ELF5: variants seen among roughly 807,000 people sequenced by gnomAD.
ELF5 encodes E74 like ETS transcription factor 5.
In ELF5, 31 loss-of-function variants were observed where a neutral mutation model predicts 38.2. The ratio of observed to expected loss-of-function variants is 0.81; its 90% CI spans 0.61 to 1.10. The LOEUF is 1.10. ELF5 is among the 50% of genes least tolerant of loss of function. The pLI is 0.00. For missense variants in ELF5, 300 were observed against 306.6 expected, an observed-to-expected ratio of 0.98 and a Z score of 0.16; for synonymous variants, 121 against 112.5, an observed-to-expected ratio of 1.08 and a Z score of -0.48.
rs556006854 is a variant in ELF5 at position 34,488,753 on chromosome 11, C to A, written c.406+1256G>T. On this transcript the variant is annotated intron_variant, in intron 4 of 6. Coordinates refer to ENST00000257832, the MANE Select transcript of ELF5 (RefSeq NM_001422.4). ...CCTATTTGTAGGTGAAGACACTGAC[C>A]CCTGGAGAAAGGGTTGGTCAGGTCT... Among the ~76,000 whole-genome samples, 19 of 152,266 alleles carry A rather than the reference C, an allele frequency of 1.2e-4. No individual in the cohort carries two copies. The East Asian group carries it at 1.3e-3, about 11-fold the overall frequency.
intron 4 of ELF5, among the ~76,000 whole-genome samples, chr11:34,486,475 C>T (rs1849999272): frequency 2.0e-5 from 3 of 152,104 alleles, no homozygotes; most frequent in South Asian, 4.1e-4. Flanking sequence ...TCAAGCTGGG[C>T]CCAGAACTTG....
intron 2 of ELF5, among the ~76,000 whole-genome samples, chr11:34,501,657 CA>C (rs1850473045): frequency 6.6e-6 from 1 of 152,064 alleles, no homozygotes; most frequent in Admixed American, 6.5e-5. Context: ...ACAGGCAAGG[CA>C]GGGTAAGTTC....
chr11:34,505,750 TAC>T lies in ELF5; in HGVS notation c.-3_-2del. On this transcript the variant is annotated splice_region_variant and 5_prime_UTR_variant, in exon 2 of 7. Coordinates refer to ENST00000257832, the MANE Select transcript of ELF5 (RefSeq NM_001422.4). ...TGCTGTGTGTCACCGAGTCCAACAT[TAC>T]CCTGCAACAGCAGGAGAGGTCGTGA... 1 of 1,613,308 alleles carries T rather than the reference TAC, an allele frequency of 6.2e-7. No homozygotes were observed. Among genetic ancestry groups the T allele is most frequent in the Non-Finnish European group, 8.5e-7 (1 of 1,179,598 alleles).
intron 1 of ELF5, 39 bp from the exon 2 acceptor site, chr11:34,505,792 G>C: frequency 6.2e-7 from 1 of 1,603,248 alleles, no homozygotes; most frequent in Non-Finnish European, 8.5e-7. Context: ...GCTGGGGTGA[G>C]GTACTCCTGA....
intron 2 of ELF5, among the ~76,000 whole-genome samples, chr11:34,498,690 C>T (rs1181424474): frequency 1.3e-5 from 2 of 152,212 alleles, no homozygotes; most frequent in Non-Finnish European, 1.5e-5. Context: ...ACATAATATT[C>T]ATTATGCATC....
chr11:34,501,118 A>G (rs2133894631), intron 2 of ELF5, among the ~76,000 whole-genome samples: 1 of 152,316 alleles, frequency 6.6e-6, no homozygotes, highest in South Asian at 2.1e-4. Context: ...TGGCAGAGCT[A>G]GGAGTGGGTT....
intron 4 of ELF5, among the ~76,000 whole-genome samples, chr11:34,483,173 C>T (rs11032719): frequency 0.29 from 44,739 of 151,756 alleles, 8,692 homozygotes; most frequent in Non-Finnish European, 0.42. Context: ...TTGTCCTGCA[C>T]GTTGTTCCCT....
At chr11:34,481,679 T>C (rs899809076) in intron 5 of ELF5, among the ~76,000 whole-genome samples, 16 of 152,214 alleles carry the variant, frequency 1.1e-4, no homozygotes, top group Non-Finnish European at 2.1e-4. Context: ...CAAATTCGTT[T>C]TTCATGAAAG....
chr11:34,485,846 A>T (rs1329175819), intron 4 of ELF5, among the ~76,000 whole-genome samples: 1 of 151,854 alleles, frequency 6.6e-6, no homozygotes, highest in Non-Finnish European at 1.5e-5. Context: ...TGGGTGGTGG[A>T]TCTGTAGCAC....
chr11:34,506,973 T>C (rs1361657751), intron 1 of ELF5, among the ~76,000 whole-genome samples: 1 of 152,212 alleles, frequency 6.6e-6, no homozygotes, highest in Non-Finnish European at 1.5e-5. Context: ...CCTGAATTGA[T>C]GTTATATAGT....
At chr11:34,492,218 T>G (rs1206726102) in intron 3 of ELF5, 1 of 152,262 alleles carries the variant, frequency 6.6e-6, no homozygotes, top group Admixed American at 6.5e-5. Context: ...TCTTGGCAGG[T>G]CATTGTCACT....
At chr11:34,513,119 T>C (rs1031450617) in intron 1 of ELF5, among the ~76,000 whole-genome samples, 44 of 152,340 alleles carry the variant, frequency 2.9e-4, no homozygotes, top group African/African-American at 1.0e-3. Flanking sequence ...CGCTAACCAT[T>C]GCTTTTCTGG....
chr11:34,512,640 T>C (rs1236059421), intron 1 of ELF5, among the ~76,000 whole-genome samples: 2 of 151,424 alleles, frequency 1.3e-5, no homozygotes, highest in African/African-American at 4.9e-5. Context: ...GCATAATACA[T>C]ATATTCAATC....
intron 4 of ELF5, among the ~76,000 whole-genome samples, chr11:34,486,320 G>C (rs1017949585): frequency 6.6e-6 from 1 of 152,074 alleles, no homozygotes; most frequent in Non-Finnish European, 1.5e-5. Context: ...AGGTGGGTGG[G>C]GAGTGGGACA....
chr11:34,484,481 A>ATACTAT (rs111444312), intron 4 of ELF5, among the ~76,000 whole-genome samples: 288 of 115,918 alleles, frequency 2.5e-3, no homozygotes, highest in Middle Eastern at 0.01. Flanking sequence ...ACACTATACT[A>ATACTAT]ACTATACTAT....
chr11:34,503,348 C>T (rs965421564), intron 2 of ELF5, among the ~76,000 whole-genome samples: 5 of 150,454 alleles, frequency 3.3e-5, no homozygotes, highest in Admixed American at 2.7e-4. Flanking sequence ...TTCGTAGAGA[C>T]GGGGTTTCTC....
At chr11:34,502,133 G>T (rs887538318) in intron 2 of ELF5, among the ~76,000 whole-genome samples, 4 of 152,176 alleles carry the variant, frequency 2.6e-5, no homozygotes, top group African/African-American at 9.7e-5. Flanking sequence ...TAAACACTTC[G>T]TACACAAAAT....
At chr11:34,494,428 G>T (rs771049054) in intron 2 of ELF5, among the ~76,000 whole-genome samples, 1 of 152,190 alleles carries the variant, frequency 6.6e-6, no homozygotes, top group Non-Finnish European at 1.5e-5. Context: ...CACCATAGTA[G>T]GCACCTCCAG....
chr11:34,490,269 T>C (rs1012440785), intron 3 of ELF5, among the ~76,000 whole-genome samples: 26 of 152,258 alleles, frequency 1.7e-4, no homozygotes, highest in Admixed American at 1.6e-3. Flanking sequence ...TTAAAGGTCA[T>C]TTGGAGGGAG....
Sources: gnomAD v4.1 joint callset for allele counts (sites outside exome capture counted in the v4.1 genomes callset) on GRCh38, gnomAD v4.1.1 for gene constraint, MANE v1.5 for transcripts, NCBI Gene and HGNC (gene_info 2026-07-23, HGNC 2026-07-21) for gene names.